FAM114A2: variants seen among roughly 807,000 people sequenced by gnomAD.
FAM114A2 encodes protein FAM114A2.
FAM114A2 carries 53 observed loss-of-function variants against 58.4 expected under a neutral mutation model. That is an observed-to-expected ratio of 0.91 (90% CI 0.73 to 1.14). The LOEUF (loss-of-function observed/expected upper bound fraction) is 1.14, where lower values mean the gene tolerates loss of function less well. Among genes scored for constraint, FAM114A2 ranks in the 50% most tolerant of loss-of-function variants. The pLI is 0.00. For synonymous variants in FAM114A2, 228 were observed against 211.4 expected, an observed-to-expected ratio of 1.08 and a Z score of -0.68; for missense variants, 601 against 581.1, an observed-to-expected ratio of 1.03 and a Z score of -0.35.
rs75460601 is a variant in FAM114A2, at chr5:154,026,403, T to C, written c.909A>G (p.Lys303=). 469 of 1,565,150 alleles carry C rather than the reference T, an allele frequency of 3.0e-4. 2 individuals carry two copies. The African/African-American group carries it at 5.8e-3, about 19-fold the overall frequency. ...AEFCEEEEEE[K]KGDEDFTKDI... ...GATACTAAATTTTCATATTACCTTT[T>C]TTCTCTTCTTCCTCTTCTTCACAAA... The change falls in exon 8 of 14, where the codon AAA becomes AAG. Residue 303 remains lysine, a synonymous_variant. Coordinates refer to ENST00000351797, the MANE Select transcript of FAM114A2 (RefSeq NM_018691.4).
chr5:154,002,968 G>A lies in FAM114A2; in HGVS notation c.995C>T (p.Ala332Val). Residue 332 changes from alanine (A) to valine (V), a missense_variant and splice_region_variant, in exon 10 of 14, where the codon GCA becomes GTA. Ala to Val is a moderately conservative substitution (Grantham distance 64). Coordinates refer to ENST00000351797, the MANE Select transcript of FAM114A2 (RefSeq NM_018691.4). The stretch of plus-strand genomic sequence containing the variant: ...GATCCATTCGTGGGCGGTATTTCTT[G>A]CCTAAATAAGAAAAATATTGGCCAT... ...VSSKPEKLAR[A>V]RNTAHEWIRK... is the part of the protein sequence containing the mutation. The A allele has an allele frequency of 6.2e-7, 1 of 1,613,098 alleles. No homozygotes were observed. Among genetic ancestry groups the A allele is most frequent in the Non-Finnish European group, 8.5e-7 (1 of 1,179,588 alleles).
At chr5:154,023,567 A>C (rs567228630) in intron 8 of FAM114A2, among the ~76,000 whole-genome samples, 73 of 152,280 alleles carry the variant, frequency 4.8e-4, no homozygotes, top group African/African-American at 1.6e-3. Context: ...AGTAGGAGCT[A>C]AGCTATGAGG....
At chr5:154,026,949 C>T (rs1561570586) in intron 7 of FAM114A2, among the ~76,000 whole-genome samples, 1 of 150,464 alleles carries the variant, frequency 6.6e-6, no homozygotes. Context: ...TCTTTGTTAA[C>T]CTTTTTTGTT....
At chr5:154,004,575 T>A (rs370005176) in intron 9 of FAM114A2, among the ~76,000 whole-genome samples, 2 of 151,934 alleles carry the variant, frequency 1.3e-5, no homozygotes, top group Non-Finnish European at 2.9e-5. Context: ...TTACCCCAAA[T>A]TTTTCAACCT....
intron 8 of FAM114A2, among the ~76,000 whole-genome samples, chr5:154,023,089 G>A (rs1039826642): frequency 6.6e-6 from 1 of 152,000 alleles, no homozygotes; most frequent in Non-Finnish European, 1.5e-5. Flanking sequence ...TGAACAATGA[G>A]AACACTTGGA....
At chr5:154,025,826 TCCTGAC>T (rs1294755255) in intron 8 of FAM114A2, among the ~76,000 whole-genome samples, 4 of 152,178 alleles carry the variant, frequency 2.6e-5, no homozygotes, top group African/African-American at 9.7e-5. Flanking sequence ...CCATCTCATT[TCCTGAC>T]CCATCTCATT....
In FAM114A2 at chr5:153,992,947, C is replaced by T. The variant is rs745823152; in HGVS notation, c.*29G>A. 5 of 1,598,426 alleles carry T rather than the reference C, an allele frequency of 3.1e-6. No homozygotes were observed. On this transcript the variant is annotated 3_prime_UTR_variant, in exon 14 of 14. Transcript: ENST00000351797. ...ATAAGGTGGCATTCCTTGGCCGTCA[C>T]AAGTCCCAGGTCAAAACGTCTCCAT...
rs760067157 is a variant in FAM114A2 at position 153,994,932 on chromosome 5, G to A, written c.1370C>T (p.Ala457Val). Reference sequence around the variant, plus strand: ...ACAATTACTAACCTCTAGAAATACTGCAGTGATTAATGGGTTAAGGACATC... The same window carrying A: ...ACAATTACTAACCTCTAGAAATACTACAGTGATTAATGGGTTAAGGACATC... ...MADVLNPLIT[A>V]VFLEASNSAS... Residue 457 changes from alanine to valine, a missense_variant, in exon 13 of 14, where the codon GCA (alanine) becomes GTA (valine). Physicochemically the swap from Ala to Val is moderately conservative, Grantham distance 64 (BLOSUM62 0). Coordinates refer to ENST00000351797, the MANE Select transcript of FAM114A2 (RefSeq NM_018691.4). 4 of 1,603,480 alleles carry A rather than the reference G, an allele frequency of 2.5e-6. No individual in the cohort carries two copies. The highest frequency in any genetic ancestry group is 2.2e-5 in the South Asian group (2 of 90,828).
At chr5:154,031,312 C>CAAAAAAA (rs59757780) in intron 4 of FAM114A2, among the ~76,000 whole-genome samples, 13 of 47,842 alleles carry the variant, frequency 2.7e-4, no homozygotes, top group South Asian at 1.1e-3. Flanking sequence ...ACTCCCTCTC[C>CAAAAAAA]AAAAAAAAAA....
At chr5:154,004,471 C>T (rs1262040872) in intron 9 of FAM114A2, among the ~76,000 whole-genome samples, 1 of 152,182 alleles carries the variant, frequency 6.6e-6, no homozygotes, top group Non-Finnish European at 1.5e-5. Flanking sequence ...CTGACCTCTC[C>T]TGAAAACTTA....
intron 8 of FAM114A2, among the ~76,000 whole-genome samples, chr5:154,021,924 T>A (rs1026182919): frequency 6.6e-6 from 1 of 152,156 alleles, no homozygotes; most frequent in Non-Finnish European, 1.5e-5. Context: ...CAAAACAGCA[T>A]GGTACTGGTA....
intron 1 of FAM114A2, chr5:154,038,563 G>A (rs1038255261): frequency 6.6e-6 from 1 of 152,222 alleles, no homozygotes; most frequent in African/African-American, 2.4e-5. Context: ...TAATACGGCT[G>A]TCTCTAGATG....
chr5:154,003,871 A>T (rs1165625865), intron 9 of FAM114A2, among the ~76,000 whole-genome samples: 1 of 152,228 alleles, frequency 6.6e-6, no homozygotes, highest in Non-Finnish European at 1.5e-5. Context: ...ATATACAGTC[A>T]TGCACCACAT....
At chr5:154,001,047 T>C (rs1043262919) in intron 11 of FAM114A2, among the ~76,000 whole-genome samples, 6 of 152,178 alleles carry the variant, frequency 3.9e-5, no homozygotes, top group African/African-American at 1.2e-4. Flanking sequence ...TAAAGTCTTG[T>C]GTGTGCCAGA....
At chr5:154,003,419 T>TC (rs956841151) in intron 9 of FAM114A2, among the ~76,000 whole-genome samples, 1 of 152,108 alleles carries the variant, frequency 6.6e-6, no homozygotes, top group African/African-American at 2.4e-5. Flanking sequence ...CCTCAGGTGA[T>TC]CCCCCTGCCT....
At chr5:154,029,655 A>C (rs1772046656) in intron 4 of FAM114A2, 75 bp from the exon 5 acceptor site, 1 of 782,466 alleles carries the variant, frequency 1.3e-6, no homozygotes, top group Non-Finnish European at 2.2e-6. Context: ...ATCTATGTGA[A>C]TTTTTTAAAA....
intron 9 of FAM114A2, among the ~76,000 whole-genome samples, chr5:154,005,996 T>C (rs1770324943): frequency 1.3e-5 from 2 of 152,252 alleles, no homozygotes; most frequent in African/African-American, 2.4e-5. Context: ...TGTAGGGTTC[T>C]TTCCCTATAT....
intron 10 of FAM114A2, among the ~76,000 whole-genome samples, chr5:154,002,619 G>C (rs1770058647): frequency 6.6e-6 from 1 of 152,196 alleles, no homozygotes. Flanking sequence ...ACAAGTGTCA[G>C]GCAGCAGTTT....
At chr5:154,028,032 G>T in intron 6 of FAM114A2, 117 bp downstream of exon 6, 1 of 948,188 alleles carries the variant, frequency 1.1e-6, no homozygotes. Context: ...AAAAACGCCT[G>T]AATAAACATT....
Sources: allele counts gnomAD v4.1 joint callset (sites outside exome capture counted in the v4.1 genomes callset), GRCh38; gene constraint gnomAD v4.1.1; transcripts MANE v1.5; gene names NCBI Gene and HGNC (gene_info 2026-07-23, HGNC 2026-07-21).